The following RGS22 variants were observed in gnomAD, a reference collection of about 807,000 sequenced individuals.
The protein encoded by RGS22 is regulator of G-protein signaling 22.
In RGS22, 148 loss-of-function variants were observed where a neutral mutation model predicts 172.9. The observed-to-expected ratio is 0.86, with a 90% CI of 0.75 to 0.98. The LOEUF is 0.98. RGS22 is among the 50% of genes least tolerant of loss of function. RGS22 has a pLI of 0.00. For missense variants in RGS22, 1,347 were observed against 1,440.8 expected, an observed-to-expected ratio of 0.93 and a Z score of 1.05; for synonymous variants, 458 against 480.2, an observed-to-expected ratio of 0.95 and a Z score of 0.60.
rs190553112 is a variant in RGS22 at position 100,020,031 on chromosome 8, C to G, written c.2167-11462G>C. Reference sequence around the variant, plus strand: ...TCCTGAGTAGCTGGAATTACAGGCACCTGCCACCACGCCCAGCTAATTTTG... The same window carrying G: ...TCCTGAGTAGCTGGAATTACAGGCAGCTGCCACCACGCCCAGCTAATTTTG... On this transcript the variant is annotated intron_variant, in intron 14 of 27. Coordinates refer to ENST00000360863, the MANE Select transcript of RGS22 (RefSeq NM_015668.5). 4.6e-5 allele frequency among the ~76,000 whole-genome samples: 7 copies of G among 152,158 alleles called. No homozygotes were observed. In the East Asian group the frequency reaches 1.4e-3, roughly 29 times the overall value.
chr8:100,071,470 A>G lies in RGS22; in HGVS notation c.493T>C (p.Phe165Leu). Reference protein sequence around the residue: ...SGMNFTVGSNFSPWIVKKPPS... With the variant: ...SGMNFTVGSNLSPWIVKKPPS... ...GGTTTTTTCACGATCCAGGGAGAAA[A>G]ATTTGATCCTACTGTGAAATTCATG... Residue 165 changes from phenylalanine to leucine, a missense_variant, in exon 6 of 28, where the codon TTT (phenylalanine) becomes CTT (leucine). Phe to Leu is a conservative substitution (Grantham distance 22). Transcript: ENST00000360863. 1 of 1,613,018 alleles carries G rather than the reference A, an allele frequency of 6.2e-7. No homozygotes were observed. The highest frequency in any genetic ancestry group is 8.5e-7 in the Non-Finnish European group (1 of 1,179,384).
intron 9 of RGS22, among the ~76,000 whole-genome samples, chr8:100,061,167 A>G (rs1463880017): frequency 6.6e-6 from 1 of 151,670 alleles, no homozygotes; most frequent in Admixed American, 6.6e-5. Context: ...CAATTAACAC[A>G]AAAAGACTTA....
rs775367828 is a variant in RGS22, at chr8:100,038,960, G to A, written c.2137C>T (p.Gln713Ter). Residue 713 changes from glutamine to a stop codon, truncating the protein, a stop_gained, in exon 14 of 28, where the codon CAG (glutamine) becomes TAG (stop). Coordinates refer to ENST00000360863, the MANE Select transcript of RGS22 (RefSeq NM_015668.5). LOFTEE classifies it high-confidence loss of function. ...YHQLFYQETL[Q>*]PFKVCKQAQY... is the part of the protein sequence containing the mutation. ...GCTTGCTTGCATACTTTAAAAGGCT[G>A]AAGTGTTTCTTGGTAGAAAAGCTGA... 2.5e-6 allele frequency: 4 copies of A among 1,611,848 alleles called. No individual in the cohort carries two copies. The highest frequency in any genetic ancestry group is 2.2e-5 in the East Asian group (1 of 44,840).
chr8:100,005,837 G>A (rs1815634442), intron 16 of RGS22, among the ~76,000 whole-genome samples, 180 bp downstream of exon 16: 1 of 152,086 alleles, frequency 6.6e-6, no homozygotes, highest in Admixed American at 6.6e-5. Context: ...TGGCTCTCTT[G>A]TCAAATATGT....
intron 20 of RGS22, 115 bp from the exon 21 acceptor site, chr8:99,987,734 CACA>C (rs1402677410): frequency 1.6e-6 from 1 of 642,224 alleles, no homozygotes; most frequent in Non-Finnish European, 2.4e-6. Flanking sequence ...AATAGAATTT[CACA>C]ACATTTTCAC....
rs1039325168 is a variant in RGS22 at position 100,088,991 on chromosome 8, T to C, written c.117+4456A>G. Among the ~76,000 whole-genome samples the C allele has an allele frequency of 5.3e-5, 8 of 152,104 alleles. 1 individual carries two copies. In the South Asian group the frequency reaches 1.0e-3, roughly 20 times the overall value. ...GATTAGAAGGTTTACTTGTTTATAT[T>C]AAGGATCTTACATGGAAGATGTTGA... is the stretch of plus-strand genomic sequence containing the variant. On this transcript the variant is annotated intron_variant, in intron 3 of 27. Transcript: ENST00000360863.
chr8:99,965,923 T>C (rs192740990), intron 23 of RGS22, among the ~76,000 whole-genome samples: 1 of 152,342 alleles, frequency 6.6e-6, no homozygotes, highest in African/African-American at 2.4e-5. Context: ...TTTTTTACCA[T>C]TGTTTATCTG....
At chr8:100,079,912 T>C (rs936159601) in intron 4 of RGS22, among the ~76,000 whole-genome samples, 1 of 152,192 alleles carries the variant, frequency 6.6e-6, no homozygotes, top group Admixed American at 6.5e-5. Context: ...TATTCAAATA[T>C]TCAAGGTAAA....
intron 18 of RGS22, among the ~76,000 whole-genome samples, chr8:100,000,680 C>T (rs1787221403): frequency 6.6e-6 from 1 of 152,146 alleles, no homozygotes; most frequent in South Asian, 2.1e-4. Context: ...AAACCTCACG[C>T]AATGTAGCAC....
At chr8:99,985,294 G>A (rs559426671) in intron 21 of RGS22, among the ~76,000 whole-genome samples, 1 of 152,274 alleles carries the variant, frequency 6.6e-6, no homozygotes, top group Admixed American at 6.5e-5. Flanking sequence ...AAAGCACTAA[G>A]ACAATATCTG....
intron 23 of RGS22, among the ~76,000 whole-genome samples, chr8:99,975,761 T>C (rs1811860225): frequency 6.6e-6 from 1 of 152,172 alleles, no homozygotes; most frequent in Non-Finnish European, 1.5e-5. Flanking sequence ...TTGCCCAGGC[T>C]GGTCTCCAAC....
intron 3 of RGS22, among the ~76,000 whole-genome samples, chr8:100,089,165 T>C (rs759839531): frequency 3.0e-4 from 46 of 151,150 alleles, no homozygotes; most frequent in Non-Finnish European, 5.9e-4. Flanking sequence ...TCTTCCACCA[T>C]AGATATATAT....
Position 100,052,812 on chromosome 8 carries a change from G to A in RGS22, c.1679C>T (p.Pro560Leu), listed in dbSNP as rs747602476. 2 of 1,613,946 alleles carry A rather than the reference G, an allele frequency of 1.2e-6. No individual in the cohort carries two copies. The highest frequency in any genetic ancestry group is 1.7e-5 in the Admixed American group (1 of 60,014). The change falls in exon 10 of 28, where the codon CCT becomes CTT. Residue 560 changes from proline to leucine, a missense_variant. Transcript: ENST00000360863. ...GAATGTACACCCTACCTGGATCTCA[G>A]GTATCTGTGGAATGCAAGATTTGGG... ...LRPKSCIPQIPEIQKEEFSLS... is the reference protein window; with the variant it reads ...LRPKSCIPQILEIQKEEFSLS...
intron 23 of RGS22, among the ~76,000 whole-genome samples, chr8:99,977,270 ATTTTTTTT>A (rs895569407): frequency 1.5e-4 from 18 of 120,386 alleles, no homozygotes; most frequent in African/African-American, 4.4e-4. Flanking sequence ...CGCCCGGTTA[ATTTTTTTT>A]TTTTTTTTTT....
chr8:99,995,663 A>C (rs1369150770), intron 20 of RGS22, among the ~76,000 whole-genome samples: 1 of 152,222 alleles, frequency 6.6e-6, no homozygotes, highest in Non-Finnish European at 1.5e-5. Flanking sequence ...ACCGTTGGTG[A>C]GAGTGTAAAT....
intron 10 of RGS22, among the ~76,000 whole-genome samples, chr8:100,051,396 T>TATATATATATTTATTATATATATAC (rs1821263876): frequency 1.5e-5 from 2 of 129,046 alleles, no homozygotes; most frequent in Non-Finnish European, 3.2e-5. Context: ...TATATATTTT[T>TATATATATATTTATTATATATATAC]ATATATATAT....
intron 24 of RGS22, among the ~76,000 whole-genome samples, chr8:99,964,768 C>A (rs1229690763): frequency 1.3e-5 from 2 of 152,080 alleles, no homozygotes; most frequent in African/African-American, 4.8e-5. Flanking sequence ...AAGATTGTTT[C>A]TTGAGTTAGT....
intron 12 of RGS22, 79 bp downstream of exon 12, chr8:100,041,723 C>A: frequency 6.6e-6 from 5 of 761,188 alleles, no homozygotes; most frequent in Middle Eastern, 2.4e-4. Flanking sequence ...TATGATAAAT[C>A]AATACAAATT....
chr8:100,006,653 G>A (rs984867747), intron 15 of RGS22, among the ~76,000 whole-genome samples: 1 of 152,180 alleles, frequency 6.6e-6, no homozygotes, highest in Non-Finnish European at 1.5e-5. Flanking sequence ...TATTGCAGGG[G>A]AAAATCAGCT....
Sources: gnomAD v4.1 joint callset for allele counts (sites outside exome capture counted in the v4.1 genomes callset) on GRCh38, gnomAD v4.1.1 for gene constraint, MANE v1.5 for transcripts, NCBI Gene and HGNC (gene_info 2026-07-23, HGNC 2026-07-21) for gene names.